Variants in NELL1 observed in about 807,000 individuals in gnomAD.
NELL1 encodes the protein neural EGFL like 1, also known as protein kinase C-binding protein NELL1.
Under a neutral mutation model 107.4 loss-of-function variants are expected in NELL1, and 76 were observed. The observed-to-expected ratio is 0.71, with a 90% CI of 0.59 to 0.86. The LOEUF (loss-of-function observed/expected upper bound fraction) is 0.86. Among genes scored for constraint, NELL1 ranks in the 40% least tolerant of loss-of-function variants. NELL1 has a pLI of 0.00. For synonymous variants in NELL1, 353 were observed against 341.2 expected, an observed-to-expected ratio of 1.03 and a Z score of -0.38; for missense variants, 1,024 against 1,005.5, an observed-to-expected ratio of 1.02 and a Z score of -0.25.
chr11:21,164,670 A>G (rs1321524731), intron 13 of NELL1, among the ~76,000 whole-genome samples: 2 of 152,194 alleles, frequency 1.3e-5, no homozygotes, highest in African/African-American at 4.8e-5. Flanking sequence ...AAATAGAGTA[A>G]GGTCAAGGAA....
Position 21,267,309 on chromosome 11 carries a change from G to T in NELL1, c.1549+37855G>T, listed in dbSNP as rs548604194. On this transcript the variant is annotated intron_variant, in intron 14 of 19. Coordinates refer to ENST00000357134, the MANE Select transcript of NELL1 (RefSeq NM_006157.5). ...TCACTATACTTTTTAATGATAAAAT[G>T]ATAATTTAAAAATTACTAGTAATAC... 1.6e-3 allele frequency among the ~76,000 whole-genome samples: 250 copies of T among 152,062 alleles called. 1 individual carries two copies. The highest frequency in any genetic ancestry group is 5.8e-3 in the African/African-American group (242 of 41,510).
At chr11:20,814,143 A>G (rs61880395) in intron 3 of NELL1, among the ~76,000 whole-genome samples, 1 of 5,084 alleles carries the variant, frequency 2.0e-4, no homozygotes, top group Non-Finnish European at 6.8e-4. Flanking sequence ...CTACAGGCGC[A>G]CACCGCCACG....
intron 13 of NELL1, among the ~76,000 whole-genome samples, chr11:21,205,564 G>A (rs1461576870): frequency 4.6e-5 from 7 of 152,166 alleles, no homozygotes; most frequent in Non-Finnish European, 1.0e-4. Flanking sequence ...GCTCTGTGAG[G>A]GTGGGATCCA....
intron 14 of NELL1, among the ~76,000 whole-genome samples, chr11:21,319,516 A>G (rs866437170): frequency 8.3e-6 from 1 of 120,296 alleles, no homozygotes; most frequent in Non-Finnish European, 1.8e-5. Context: ...ATATATATAT[A>G]TTTTTAGTAG....
intron 2 of NELL1, among the ~76,000 whole-genome samples, chr11:20,709,372 G>A (rs1311980690): frequency 1.3e-5 from 2 of 152,076 alleles, no homozygotes; most frequent in Non-Finnish European, 2.9e-5. Context: ...TAATTTCTGG[G>A]TTCTCTATTC....
intron 2 of NELL1, among the ~76,000 whole-genome samples, chr11:20,734,566 T>C (rs1405081423): frequency 1.3e-5 from 2 of 152,134 alleles, no homozygotes; most frequent in African/African-American, 2.4e-5. Context: ...ATATGGAGTA[T>C]GAGGGATCCT....
intron 13 of NELL1, among the ~76,000 whole-genome samples, chr11:21,163,814 C>T (rs1482941921): frequency 1.3e-5 from 2 of 151,918 alleles, no homozygotes; most frequent in African/African-American, 2.4e-5. Context: ...TTCAGCTTCT[C>T]GACCTCATCT....
intron 12 of NELL1, among the ~76,000 whole-genome samples, chr11:21,024,881 T>C (rs35295995): frequency 0.041 from 6,175 of 152,218 alleles, 182 homozygotes; most frequent in Middle Eastern, 0.12. Context: ...GAATGAAATG[T>C]CCTCTGTCCG....
chr11:20,859,748 T>C (rs561837917), intron 4 of NELL1, among the ~76,000 whole-genome samples: 17 of 152,308 alleles, frequency 1.1e-4, no homozygotes, highest in Non-Finnish European at 2.4e-4. Context: ...ATTGCTTCTT[T>C]TATTGGCACC....
intron 14 of NELL1, among the ~76,000 whole-genome samples, chr11:21,330,860 T>C (rs1850257961): frequency 6.6e-6 from 1 of 152,090 alleles, no homozygotes; most frequent in South Asian, 2.1e-4. Context: ...CATATATTGG[T>C]ACAATTAATG....
At chr11:21,135,618 C>G (rs1400382) in intron 13 of NELL1, among the ~76,000 whole-genome samples, 1 of 151,968 alleles carries the variant, frequency 6.6e-6, no homozygotes, top group South Asian at 2.1e-4. Context: ...ACAATAGCTG[C>G]TCCTTTATCA....
intron 3 of NELL1, among the ~76,000 whole-genome samples, chr11:20,842,245 T>C (rs4923107): frequency 0.34 from 52,318 of 151,656 alleles, 10,479 homozygotes; most frequent in African/African-American, 0.55. Flanking sequence ...GGCATGGTGG[T>C]GGGGTGCCTG....
chr11:21,050,895 C>G (rs964479464), intron 12 of NELL1, among the ~76,000 whole-genome samples: 10 of 152,208 alleles, frequency 6.6e-5, no homozygotes, highest in South Asian at 6.2e-4. Flanking sequence ...CAATTCCTCA[C>G]CACCTTACTG....
intron 2 of NELL1, among the ~76,000 whole-genome samples, chr11:20,754,008 A>G (rs1356494828): frequency 6.6e-6 from 1 of 152,192 alleles, no homozygotes; most frequent in Non-Finnish European, 1.5e-5. Flanking sequence ...ATATGTGGTC[A>G]AGAGGATGGA....
intron 15 of NELL1, among the ~76,000 whole-genome samples, chr11:21,507,383 A>T (rs1163795387): frequency 1.3e-5 from 2 of 152,240 alleles, no homozygotes; most frequent in Admixed American, 1.3e-4. Context: ...TTACCAACTC[A>T]GGTCTCAACA....
At chr11:20,799,642 G>C (rs938067281) in intron 3 of NELL1, among the ~76,000 whole-genome samples, 1 of 121,676 alleles carries the variant, frequency 8.2e-6, no homozygotes, top group Non-Finnish European at 1.7e-5. Flanking sequence ...TCTGGAGACA[G>C]CCAGAAGTAT....
Position 21,022,040 on chromosome 11 carries a change from C to T in NELL1, c.1300+61480C>T, listed in dbSNP as rs146238586. ...TAGATGCCAGTCACATCCCCTGCCC[C>T]AGTTGTGACAACCAAAAATATCTCC... On this transcript the variant is annotated intron_variant, in intron 12 of 19. Transcript: ENST00000357134. Among the ~76,000 whole-genome samples the T allele has an allele frequency of 4.1e-3, 618 of 152,184 alleles. 21 individuals are homozygous for T. Among genetic ancestry groups the T allele is most frequent in the Admixed American group, 0.029 (442 of 15,262 alleles).
chr11:20,912,042 TC>T (rs1441384892), intron 5 of NELL1, among the ~76,000 whole-genome samples: 1 of 152,212 alleles, frequency 6.6e-6, no homozygotes, highest in East Asian at 1.9e-4. Flanking sequence ...GCTGAATTGC[TC>T]CAGAACTAAA....
chr11:21,182,035 C>A (rs1347439184), intron 13 of NELL1, among the ~76,000 whole-genome samples: 1 of 151,830 alleles, frequency 6.6e-6, no homozygotes, highest in African/African-American at 2.4e-5. Context: ...AATACAGAGA[C>A]ACAGAGAGGT....
Sources: gnomAD v4.1 joint callset for allele counts (sites outside exome capture counted in the v4.1 genomes callset) on GRCh38, gnomAD v4.1.1 for gene constraint, MANE v1.5 for transcripts, NCBI Gene and HGNC (gene_info 2026-07-23, HGNC 2026-07-21) for gene names.